UBE2O: variants seen among roughly 807,000 people sequenced by gnomAD.
UBE2O encodes (E3-independent) E2 ubiquitin-conjugating enzyme.
Under a neutral mutation model 125.8 loss-of-function variants are expected in UBE2O, and 15 were observed. That is an observed-to-expected ratio of 0.12 (90% CI 0.08 to 0.18). UBE2O has a LOEUF of 0.18. UBE2O is among the 10% of genes least tolerant of loss of function. UBE2O has a pLI of 1.00. For missense variants in UBE2O, 1,280 were observed against 1,723.6 expected (o/e 0.74, Z 4.56); for synonymous variants, 708 against 703.2 (o/e 1.01, Z -0.11).
intron 1 of UBE2O, among the ~76,000 whole-genome samples, chr17:76,411,604 G>A (rs1270130876): frequency 6.6e-6 from 1 of 152,226 alleles, no homozygotes; most frequent in Non-Finnish European, 1.5e-5. Context: ...CAAACAGGAC[G>A]AGACATGGGT....
intron 3 of UBE2O, among the ~76,000 whole-genome samples, chr17:76,403,517 C>G (rs773057229): frequency 5.3e-5 from 8 of 152,170 alleles, no homozygotes; most frequent in Non-Finnish European, 1.0e-4. Context: ...AGTGATCCAT[C>G]TGCCTCAGCC....
At chr17:76,397,931 TC>T (rs571185693) in intron 12 of UBE2O, 43 bp from the exon 13 acceptor site, 205 of 1,601,540 alleles carry the variant, frequency 1.3e-4, no homozygotes, top group Middle Eastern at 1.2e-3. Flanking sequence ...CAGCTCAAGC[TC>T]CAGCTCCCCA....
At chr17:76,442,689 A>G (rs1052925580) in intron 1 of UBE2O, among the ~76,000 whole-genome samples, 1 of 152,222 alleles carries the variant, frequency 6.6e-6, no homozygotes, top group South Asian at 2.1e-4. Context: ...CAGGAGATAG[A>G]GCAGGATGTG....
In UBE2O at chr17:76,405,708, C is replaced by T; in HGVS notation, c.418-136G>A. The T allele has an allele frequency of 3.9e-6, 3 of 768,070 alleles. No individual in the cohort carries two copies. The highest frequency in any genetic ancestry group is 6.4e-6 in the Non-Finnish European group (3 of 469,610). The allele number at this position is 768,070 out of a possible 1,614,324, so 47.6% of individuals were successfully genotyped here. On this transcript the variant is annotated intron_variant, in intron 1 of 17. Transcript: ENST00000319380. The surrounding 1 kb of genome is among the most constrained non-coding windows in gnomAD (Gnocchi z 6.1). The stretch of plus-strand genomic sequence containing the variant: ...ATCCTAAGCGTTTGGCTAGCAGTAT[C>T]TTCACAGACCGCACACACCTCCGAC...
intron 15 of UBE2O, among the ~76,000 whole-genome samples, chr17:76,393,056 C>A (rs1332656227): frequency 2.0e-5 from 3 of 151,600 alleles, no homozygotes; most frequent in African/African-American, 7.3e-5. Context: ...GCCAGGAGGT[C>A]AAAACCAACC....
At chr17:76,449,582 AACTC>A (rs1466627193) in intron 1 of UBE2O, among the ~76,000 whole-genome samples, 3 of 152,012 alleles carry the variant, frequency 2.0e-5, no homozygotes, top group Non-Finnish European at 4.4e-5. Flanking sequence ...TTAAAAAAGA[AACTC>A]ACACACAAAA....
intron 1 of UBE2O, among the ~76,000 whole-genome samples, chr17:76,441,801 A>C (rs1213210112): frequency 6.6e-6 from 1 of 152,162 alleles, no homozygotes; most frequent in Non-Finnish European, 1.5e-5. Context: ...ACTGATAAAC[A>C]GGGGTGGTTA....
intron 1 of UBE2O, among the ~76,000 whole-genome samples, chr17:76,416,029 G>T (rs913015784): frequency 6.7e-6 from 1 of 149,578 alleles, no homozygotes; most frequent in Non-Finnish European, 1.5e-5. Flanking sequence ...GTACACACAC[G>T]TATATATGTG....
chr17:76,448,849 A>G (rs1469731639), intron 1 of UBE2O, among the ~76,000 whole-genome samples: 2 of 152,256 alleles, frequency 1.3e-5, no homozygotes, highest in African/African-American at 4.8e-5. Context: ...AATTTTATTC[A>G]AAGGATGACT....
Position 76,400,473 on chromosome 17 carries a change from T to A in UBE2O, c.972A>T (p.Pro324=), listed in dbSNP as rs1598587204. 2 of 1,612,886 alleles carry A rather than the reference T, an allele frequency of 1.2e-6. No individual in the cohort carries two copies. The highest frequency in any genetic ancestry group is 3.3e-4 in the Middle Eastern group (2 of 6,056). Residue 324 remains proline, a synonymous_variant, in exon 7 of 18, where the codon CCA becomes CCT. Coordinates refer to ENST00000319380, the MANE Select transcript of UBE2O (RefSeq NM_022066.4). The surrounding 1 kb of genome is among the most constrained non-coding windows in gnomAD (Gnocchi z 4.3). ...GGTTTTCCTGGGTGATGACAGAGGG[T>A]GGGGGGCTGACGCTGTCCGTGCCCC... The part of the protein sequence containing the change: ...CPGGTDSVSP[P]PSVITQENLG...
intron 1 of UBE2O, among the ~76,000 whole-genome samples, chr17:76,414,840 C>T (rs1355181759): frequency 4.6e-5 from 7 of 152,136 alleles, no homozygotes; most frequent in Non-Finnish European, 1.0e-4. Flanking sequence ...GGAGCCCAGC[C>T]CTGCACCCCT....
chr17:76,394,879 A>AG (rs1598580260), intron 15 of UBE2O, among the ~76,000 whole-genome samples: 1 of 142,250 alleles, frequency 7.0e-6, no homozygotes, highest in East Asian at 2.5e-4. Flanking sequence ...ATTTCAAAGT[A>AG]ATTTTTTTTT....
chr17:76,401,873 CA>C (rs71280851), intron 5 of UBE2O, 190 bp downstream of exon 5: 20,776 of 152,180 alleles, frequency 0.14, 58 homozygotes, highest in East Asian at 0.23. Context: ...GACTCTGTCT[CA>C]AAAAAAAAAA....
chr17:76,438,103 CTT>C (rs2073026914), intron 1 of UBE2O, among the ~76,000 whole-genome samples: 3 of 152,192 alleles, frequency 2.0e-5, no homozygotes, highest in Non-Finnish European at 4.4e-5. Context: ...ACGCTTCCCT[CTT>C]CTTACTGCCT....
intron 1 of UBE2O, among the ~76,000 whole-genome samples, chr17:76,426,961 C>T (rs903512992): frequency 6.6e-5 from 10 of 151,778 alleles, no homozygotes; most frequent in South Asian, 2.1e-4. Context: ...CATTATTGAA[C>T]GATAATTTAA....
Position 76,392,115 on chromosome 17 carries a change from TAGGTAGGG to T in UBE2O, c.2947-10_2947-3del. 1 of 1,455,256 alleles carries T rather than the reference TAGGTAGGG, an allele frequency of 6.9e-7. No individual in the cohort carries two copies. Among genetic ancestry groups the T allele is most frequent in the Non-Finnish European group, 9.1e-7 (1 of 1,094,988 alleles). 90.1% of individuals were successfully genotyped at this position (1,455,256 alleles called of 1,614,324 possible). A position where few individuals can be genotyped will look rare whatever the true frequency, so the allele number is the denominator to read the frequency against. On this transcript the variant is annotated splice_region_variant and splice_polypyrimidine_tract_variant and intron_variant, in intron 15 of 17. Coordinates refer to ENST00000319380, the MANE Select transcript of UBE2O (RefSeq NM_022066.4). ...CTTGATGAGAGCTGAGAAGAGGTCC[TAGGTAGGG>T]AGGGAGGGAGGGAGGCCAAGGTTGG...
chr17:76,412,657 G>A (rs1476704932), intron 1 of UBE2O, among the ~76,000 whole-genome samples: 1 of 152,110 alleles, frequency 6.6e-6, no homozygotes, highest in East Asian at 1.9e-4. Context: ...CAGGTGTGGC[G>A]CCACTATAGT....
Position 76,405,431 on chromosome 17 carries a change from T to C in UBE2O, c.477+82A>G, listed in dbSNP as rs550454234. On this transcript the variant is annotated intron_variant, in intron 2 of 17. Coordinates refer to ENST00000319380, the MANE Select transcript of UBE2O (RefSeq NM_022066.4). The surrounding 1 kb of genome is among the most constrained non-coding windows in gnomAD (Gnocchi z 6.1). ...TGCAGAGCTGGCCAGTTCTCCCACA[T>C]GCAGAGTGCGAGGTGGGCAGGCTCA... The C allele has an allele frequency of 1.9e-5, 29 of 1,525,472 alleles. No homozygotes were observed. In the South Asian group the frequency reaches 3.4e-4, roughly 18 times the overall value. The allele number at this position is 1,525,472 out of a possible 1,614,324, so 94.5% of individuals were successfully genotyped here.
intron 1 of UBE2O, among the ~76,000 whole-genome samples, chr17:76,436,411 T>G (rs1411211799): frequency 6.6e-6 from 1 of 152,054 alleles, no homozygotes; most frequent in Non-Finnish European, 1.5e-5. Context: ...ATAAATAACT[T>G]AATAGACCAA....
Sources: allele counts gnomAD v4.1 joint callset (sites outside exome capture counted in the v4.1 genomes callset), GRCh38; gene constraint gnomAD v4.1.1; non-coding constraint Gnocchi (gnomAD v3.1); transcripts MANE v1.5; gene names NCBI Gene and HGNC (gene_info 2026-07-23, HGNC 2026-07-21).